IQSEC1: variants seen among roughly 807,000 people sequenced by gnomAD.
IQSEC1 encodes the protein IQ motif and SEC7 domain-containing protein 1.
Under a neutral mutation model 91.0 loss-of-function variants are expected in IQSEC1, and 31 were observed. That is an observed-to-expected ratio of 0.34 (90% confidence interval 0.26 to 0.46). The LOEUF is 0.46. Ranked by LOEUF, IQSEC1 falls within the 20% of genes least tolerant of loss-of-function variation. The probability of loss-of-function intolerance (pLI) is 1.00; values close to 1 mark genes in which losing one functional copy is unlikely to be tolerated. For missense variants in IQSEC1, 1,388 were observed against 1,575.6 expected, an observed-to-expected ratio of 0.88 and a Z score of 2.02; for synonymous variants, 699 against 662.6, an observed-to-expected ratio of 1.05 and a Z score of -0.84.
chr3:13,253,091 G>A (rs1255850163), intron 1 of IQSEC1, among the ~76,000 whole-genome samples: 3 of 152,218 alleles, frequency 2.0e-5, no homozygotes, highest in Non-Finnish European at 4.4e-5. Context: ...GCTTCTCGCT[G>A]TGGCTTTGAC....
At chr3:13,262,241 C>T (rs1382608135) in intron 1 of IQSEC1, among the ~76,000 whole-genome samples, 1 of 152,232 alleles carries the variant, frequency 6.6e-6, no homozygotes, top group Non-Finnish European at 1.5e-5. Flanking sequence ...GCGCTCAACA[C>T]TTTCCTGTCT....
rs1575827504 is a variant in IQSEC1 at position 12,900,843 on chromosome 3, G to T, written c.*140C>A. 1.3e-6 allele frequency: 2 copies of T among 1,519,398 alleles called. No individual in the cohort carries two copies. The highest frequency in any genetic ancestry group is 4.1e-5 in the Admixed American group (2 of 48,888). The allele number at this position is 1,519,398 out of a possible 1,614,324, so 94.1% of individuals were successfully genotyped here. A position where few individuals can be genotyped will look rare whatever the true frequency, so the allele number is the denominator to read the frequency against. On this transcript the variant is annotated 3_prime_UTR_variant, in exon 14 of 14. Transcript: ENST00000613206. Reference sequence around the variant, plus strand: ...AACACCAGCCCTGTGGGCTCCTGGGGCTCCGGTTGGGCCGTGAGGGGCAGA... The same window carrying T: ...AACACCAGCCCTGTGGGCTCCTGGGTCTCCGGTTGGGCCGTGAGGGGCAGA...
In IQSEC1 at chr3:12,935,456, G is replaced by A; in HGVS notation, c.1560C>T (p.Leu520=). 1.9e-6 allele frequency: 3 copies of A among 1,608,292 alleles called. No individual in the cohort carries two copies. The highest frequency in any genetic ancestry group is 2.6e-6 in the Non-Finnish European group (3 of 1,175,576). ...RKRHYRIGLN[L]FNKKPEKGVQ... ...TCACCCATGGTACTCACTTGTTGAA[G>A]AGGTTCAGGCCGATGCGGTAGTGCC... Residue 520 remains leucine, a synonymous_variant, in exon 3 of 14, where the codon CTC becomes CTT. Coordinates refer to ENST00000613206, the MANE Select transcript of IQSEC1 (RefSeq NM_001134382.3). The surrounding 1 kb of genome is among the most constrained non-coding windows in gnomAD (Gnocchi z 8.0).
intron 1 of IQSEC1, among the ~76,000 whole-genome samples, chr3:13,252,569 A>C (rs1328204663): frequency 6.6e-6 from 1 of 152,142 alleles, no homozygotes; most frequent in Non-Finnish European, 1.5e-5. Flanking sequence ...CACAAGTGGG[A>C]TTGCGGGATG....
chr3:13,210,246 G>A (rs1471760730), intron 1 of IQSEC1, among the ~76,000 whole-genome samples: 1 of 152,126 alleles, frequency 6.6e-6, no homozygotes, highest in Non-Finnish European at 1.5e-5. Flanking sequence ...CCAGGCTGGG[G>A]GGACCCAGTG....
At chr3:13,112,776 G>T (rs1706270690) in intron 2 of IQSEC1, among the ~76,000 whole-genome samples, 1 of 152,248 alleles carries the variant, frequency 6.6e-6, no homozygotes, top group Non-Finnish European at 1.5e-5. Flanking sequence ...GGCCACACAG[G>T]CCTGACCACA....
intron 1 of IQSEC1, among the ~76,000 whole-genome samples, chr3:13,245,167 C>A (rs1695088111): frequency 6.6e-6 from 1 of 152,122 alleles, no homozygotes; most frequent in African/African-American, 2.4e-5. Context: ...CTGTGGGCTG[C>A]CGGCAGCTCA....
At chr3:13,114,222 C>T (rs533606879) in intron 2 of IQSEC1, among the ~76,000 whole-genome samples, 5 of 152,134 alleles carry the variant, frequency 3.3e-5, no homozygotes, top group South Asian at 2.1e-4. Context: ...CTGCAGGATG[C>T]GGGTGGGGAT....
intron 1 of IQSEC1, among the ~76,000 whole-genome samples, chr3:13,186,404 A>G (rs1039243452): frequency 6.6e-6 from 1 of 152,246 alleles, no homozygotes; most frequent in Non-Finnish European, 1.5e-5. Flanking sequence ...AAGTCTGACA[A>G]AAAGGGTGTT....
At chr3:13,242,157 G>T (rs1490182206) in intron 1 of IQSEC1, among the ~76,000 whole-genome samples, 3 of 152,152 alleles carry the variant, frequency 2.0e-5, no homozygotes, top group East Asian at 1.9e-4. Context: ...TGGGGGGCTG[G>T]GCACATGGGC....
At chr3:13,119,761 A>G (rs1284371440) in intron 2 of IQSEC1, among the ~76,000 whole-genome samples, 1 of 152,206 alleles carries the variant, frequency 6.6e-6, no homozygotes, top group Non-Finnish European at 1.5e-5. Flanking sequence ...GATGACACCG[A>G]AGCCAAGGAT....
At chr3:13,201,196 A>C (rs929989156) in intron 1 of IQSEC1, among the ~76,000 whole-genome samples, 2 of 152,226 alleles carry the variant, frequency 1.3e-5, no homozygotes, top group African/African-American at 2.4e-5. Context: ...ATGGCCAGGA[A>C]GGACGGTGAC....
At chr3:13,263,439 G>GTA (rs1553581065) in intron 1 of IQSEC1, among the ~76,000 whole-genome samples, 1 of 107,192 alleles carries the variant, frequency 9.3e-6, no homozygotes, top group African/African-American at 3.1e-5. Context: ...GGGGGGGGGG[G>GTA]AAAGTACCTG....
Position 12,970,777 on chromosome 3 carries a change from G to A in IQSEC1, c.24-28912C>T, listed in dbSNP as rs1249111039. Among the ~76,000 whole-genome samples, 5 of 152,140 alleles carry A rather than the reference G, an allele frequency of 3.3e-5. No homozygotes were observed. Among genetic ancestry groups the A allele is most frequent in the African/African-American group, 4.8e-5 (2 of 41,412 alleles). ...TCCCAGAAAGACACCCATGACCAGC[G>A]CCTAGTCCAAGTCAGAAACTCCTTT... On this transcript the variant is annotated intron_variant, in intron 1 of 13. Coordinates refer to ENST00000613206, the MANE Select transcript of IQSEC1 (RefSeq NM_001134382.3). The surrounding 1 kb of genome is among the most constrained non-coding windows in gnomAD (Gnocchi z 4.4).
Position 13,214,941 on chromosome 3 carries a change from C to T in IQSEC1, c.273-50808G>A, listed in dbSNP as rs1694516405. Among the ~76,000 whole-genome samples the T allele has an allele frequency of 2.0e-5, 3 of 152,334 alleles. No homozygotes were observed. In the South Asian group the frequency reaches 6.2e-4, roughly 32 times the overall value. The stretch of plus-strand genomic sequence containing the variant: ...GTGAACGGATGAGTGGAATTTACTG[C>T]ACCCATAAGTAGAATCTTGAGCCCT... On this transcript the variant is annotated intron_variant, in intron 1 of 15. Transcript: ENST00000648114. This position sits in a 1 kb window ranked among gnomAD's most constrained non-coding sequence, Gnocchi z 4.5.
intron 1 of IQSEC1, among the ~76,000 whole-genome samples, chr3:12,990,853 C>T (rs181454886): frequency 3.9e-5 from 6 of 152,282 alleles, no homozygotes; most frequent in Non-Finnish European, 7.4e-5. Context: ...GTTTTGCAGA[C>T]GAAATGGGAA....
At chr3:13,209,032 C>G (rs1228555967) in intron 1 of IQSEC1, among the ~76,000 whole-genome samples, 1 of 152,196 alleles carries the variant, frequency 6.6e-6, no homozygotes, top group Non-Finnish European at 1.5e-5. Context: ...GCAAGTGACT[C>G]AGACCACCGA....
intron 1 of IQSEC1, among the ~76,000 whole-genome samples, chr3:13,241,346 C>T (rs1559284443): frequency 6.6e-6 from 1 of 152,244 alleles, no homozygotes; most frequent in Non-Finnish European, 1.5e-5. Context: ...AAATCCCCTG[C>T]TGTTCTACCT....
intron 1 of IQSEC1, among the ~76,000 whole-genome samples, chr3:12,988,140 G>A (rs185053564): frequency 5.9e-5 from 9 of 152,350 alleles, no homozygotes; most frequent in East Asian, 1.9e-4. Flanking sequence ...ACAGCTGGGC[G>A]CGGTGGCTCA....
Sources: allele counts gnomAD v4.1 joint callset (sites outside exome capture counted in the v4.1 genomes callset), GRCh38; gene constraint gnomAD v4.1.1; non-coding constraint Gnocchi (gnomAD v3.1); transcripts MANE v1.5; gene names NCBI Gene and HGNC (gene_info 2026-07-23, HGNC 2026-07-21).